The following KMT2C variants were observed in gnomAD, a reference collection of about 807,000 sequenced individuals.
KMT2C encodes histone-lysine N-methyltransferase 2C.
A neutral mutation model predicts 507.9 loss-of-function variants in KMT2C; 88 were observed. That is an observed-to-expected ratio of 0.17 (90% CI 0.15 to 0.21). The LOEUF (loss-of-function observed/expected upper bound fraction) is 0.21, where lower values mean the gene tolerates loss of function less well. Among genes scored for constraint, KMT2C ranks in the 10% least tolerant of loss-of-function variants. KMT2C has a pLI of 1.00. For missense variants in KMT2C, 4,954 were observed against 5,957.8 expected (o/e 0.83, Z 5.55); for synonymous variants, 2,049 against 2,080.8 (o/e 0.98, Z 0.42).
intron 1 of KMT2C, among the ~76,000 whole-genome samples, chr7:152,393,289 T>C (rs1290001032): frequency 6.6e-6 from 1 of 152,240 alleles, no homozygotes; most frequent in Non-Finnish European, 1.5e-5. Context: ...AGATTCACTT[T>C]ATTTCAAAAT....
intron 27 of KMT2C, among the ~76,000 whole-genome samples, chr7:152,197,563 T>C (rs933564064): frequency 4.6e-5 from 7 of 152,266 alleles, no homozygotes; most frequent in South Asian, 2.1e-4. Context: ...ATGACAACAC[T>C]GTAGTTGAAT....
intron 1 of KMT2C, among the ~76,000 whole-genome samples, chr7:152,414,194 A>G (rs2097710686): frequency 7.0e-6 from 1 of 142,644 alleles, no homozygotes; most frequent in African/African-American, 2.6e-5. Context: ...TGGGCGACAT[A>G]GTGAGACTCT....
chr7:152,303,203 A>G (rs1589048134), intron 6 of KMT2C, among the ~76,000 whole-genome samples: 1 of 152,224 alleles, frequency 6.6e-6, no homozygotes. Flanking sequence ...TGTTTCAGAG[A>G]AAACAAAATT....
rs2093444566 is a variant in KMT2C, at chr7:152,181,842, G to C, written c.6018C>G (p.His2006Gln). 6.2e-7 allele frequency: 1 copy of C among 1,614,168 alleles called. No homozygotes were observed. The highest frequency in any genetic ancestry group is 8.5e-7 in the Non-Finnish European group (1 of 1,180,034). ...KGPIAAGTSD[H>Q]FTKPSPRADV... ...CTGCCCTAGGAGATGGTTTAGTAAA[G>C]TGATCACTGGTTCCAGCTGCTATAG... Residue 2006 changes from histidine to glutamine, a missense_variant, in exon 36 of 59, where the codon CAC (histidine) becomes CAG (glutamine). Physicochemically the swap from His to Gln is conservative, Grantham distance 24. Coordinates refer to ENST00000262189, the MANE Select transcript of KMT2C (RefSeq NM_170606.3).
At chr7:152,367,374 A>T in intron 1 of KMT2C, 1 of 714,796 alleles carries the variant, frequency 1.4e-6, no homozygotes, top group Non-Finnish European at 2.4e-6. Context: ...TACCAGGGGC[A>T]CCCCCGGCTG....
chr7:152,351,788 G>C (rs1276392112), intron 2 of KMT2C, among the ~76,000 whole-genome samples: 4 of 151,944 alleles, frequency 2.6e-5, no homozygotes, highest in African/African-American at 9.7e-5. Flanking sequence ...ATACCCTTGT[G>C]ATTTCCTATG....
At chr7:152,204,976 T>C (rs1266921556) in intron 25 of KMT2C, 130 bp downstream of exon 25, 8 of 583,712 alleles carry the variant, frequency 1.4e-5, no homozygotes, top group Admixed American at 1.3e-4. Context: ...AAGACTCTTA[T>C]TGAGTAACAA....
intron 2 of KMT2C, among the ~76,000 whole-genome samples, chr7:152,343,745 G>C (rs73730045): frequency 0.038 from 5,820 of 152,132 alleles, 378 homozygotes; most frequent in African/African-American, 0.13. Context: ...CAAGAAAAGA[G>C]GGAATGAAAT....
chr7:152,433,099 G>A (rs1175355396), intron 1 of KMT2C, among the ~76,000 whole-genome samples: 1 of 150,482 alleles, frequency 6.6e-6, no homozygotes, highest in Non-Finnish European at 1.5e-5. Flanking sequence ...GGTGAGCCGA[G>A]ATCATACCAC....
intron 8 of KMT2C, among the ~76,000 whole-genome samples, chr7:152,264,711 A>G (rs920803092): frequency 1.1e-4 from 17 of 152,016 alleles, no homozygotes; most frequent in Non-Finnish European, 2.2e-4. Flanking sequence ...TAAATTGTTA[A>G]TATCGCTTAT....
intron 14 of KMT2C, among the ~76,000 whole-genome samples, chr7:152,242,834 G>A (rs2095409772): frequency 6.6e-6 from 1 of 152,152 alleles, no homozygotes; most frequent in Non-Finnish European, 1.5e-5. Flanking sequence ...AGAAGGTTTG[G>A]TGTCTCACTG....
At chr7:152,192,661 G>A (rs915862051) in intron 31 of KMT2C, among the ~76,000 whole-genome samples, 2 of 152,040 alleles carry the variant, frequency 1.3e-5, no homozygotes, top group Non-Finnish European at 2.9e-5. Context: ...GTAAATTTAT[G>A]TTTAGAGGCT....
chr7:152,293,478 C>T (rs2096456821), intron 6 of KMT2C, among the ~76,000 whole-genome samples: 1 of 152,172 alleles, frequency 6.6e-6, no homozygotes, highest in South Asian at 2.1e-4. Context: ...ACTTTGTATA[C>T]AACTATATAA....
At chr7:152,327,070 A>G (rs1297884849) in intron 3 of KMT2C, among the ~76,000 whole-genome samples, 1 of 152,186 alleles carries the variant, frequency 6.6e-6, no homozygotes, top group Non-Finnish European at 1.5e-5. Flanking sequence ...TCTAATGAAA[A>G]TAACAGTGGT....
At chr7:152,236,550 T>C (rs1259584035) in intron 15 of KMT2C, among the ~76,000 whole-genome samples, 1 of 152,142 alleles carries the variant, frequency 6.6e-6, no homozygotes, top group Non-Finnish European at 1.5e-5. Flanking sequence ...AGCGTGAAAG[T>C]TCATTTTTGC....
chr7:152,366,111 G>A (rs1276834337), intron 1 of KMT2C, among the ~76,000 whole-genome samples: 3 of 152,186 alleles, frequency 2.0e-5, no homozygotes, highest in South Asian at 4.1e-4. Flanking sequence ...TGGCAAGGAC[G>A]TGGAGAAACT....
chr7:152,395,617 C>G (rs1244750641), intron 1 of KMT2C, among the ~76,000 whole-genome samples: 1 of 152,084 alleles, frequency 6.6e-6, no homozygotes, highest in Non-Finnish European at 1.5e-5. Context: ...AAGTGATTCT[C>G]CTGCTTCAGC....
At chr7:152,235,722 T>C (rs1461041977) in intron 16 of KMT2C, 95 bp downstream of exon 16, 3 of 978,132 alleles carry the variant, frequency 3.1e-6, no homozygotes, top group African/African-American at 1.7e-5. Flanking sequence ...TTTTGACCTA[T>C]TTATATGACT....
chr7:152,315,486 T>TGTAGAAAA (rs1284424725), intron 3 of KMT2C, 148 bp from the exon 4 acceptor site: 3 of 594,026 alleles, frequency 5.1e-6, no homozygotes, highest in African/African-American at 1.9e-5. Context: ...TATTCAGTGA[T>TGTAGAAAA]TACCCATAAG....
Sources: gnomAD v4.1 joint callset for allele counts (sites outside exome capture counted in the v4.1 genomes callset) on GRCh38, gnomAD v4.1.1 for gene constraint, MANE v1.5 for transcripts, NCBI Gene and HGNC (gene_info 2026-07-23, HGNC 2026-07-21) for gene names.